HEPACAM2: variants seen among roughly 807,000 people sequenced by gnomAD.
HEPACAM2 encodes the protein HEPACAM family member 2.
HEPACAM2 carries 49 observed loss-of-function variants against 49.6 expected under a neutral mutation model. That is an observed-to-expected ratio of 0.99 (90% CI 0.78 to 1.25). The LOEUF (loss-of-function observed/expected upper bound fraction) is 1.25. Among genes scored for constraint, HEPACAM2 ranks in the 50% most tolerant of loss-of-function variants. The probability of loss-of-function intolerance (pLI) is 0.00; values close to 1 mark genes in which losing one functional copy is unlikely to be tolerated. For missense variants in HEPACAM2, 525 were observed against 557.2 expected, an observed-to-expected ratio of 0.94 and a Z score of 0.58; for synonymous variants, 197 against 202.9, an observed-to-expected ratio of 0.97 and a Z score of 0.25.
intron 4 of HEPACAM2, among the ~76,000 whole-genome samples, chr7:93,198,254 A>C (rs959703551): frequency 1.4e-4 from 22 of 152,092 alleles, no homozygotes; most frequent in Non-Finnish European, 5.9e-5. Flanking sequence ...TATTAATATC[A>C]CTATATAAAA....
chr7:93,219,235 G>T lies in HEPACAM2; in HGVS notation c.296C>A (p.Thr99Asn). 1 of 1,614,000 alleles carries T rather than the reference G, an allele frequency of 6.2e-7. No homozygotes were observed. Among genetic ancestry groups the T allele is most frequent in the Non-Finnish European group, 8.5e-7 (1 of 1,179,926 alleles). Reference sequence around the variant, plus strand: ...CAGAGATGCATTGGGTGGCATCATGGTGAACTTGTGTTGGTATTCCAAGTC... The same window carrying T: ...CAGAGATGCATTGGGTGGCATCATGTTGAACTTGTGTTGGTATTCCAAGTC... The part of the protein sequence containing the change: ...VPDLEYQHKF[T>N]MMPPNASLLI... The change falls in exon 2 of 10, where the codon ACC (threonine) becomes AAC (asparagine). Residue 99 changes from threonine to asparagine, a missense_variant. Thr to Asn is a moderately conservative substitution (Grantham distance 65). Transcript: ENST00000394468.
intron 3 of HEPACAM2, among the ~76,000 whole-genome samples, chr7:93,212,895 A>G (rs879489767): frequency 6.6e-6 from 1 of 152,120 alleles, no homozygotes; most frequent in Admixed American, 6.6e-5. Context: ...AAGCAGAAGG[A>G]TAATTCCATT....
chr7:93,212,231 T>C (rs10274355), intron 3 of HEPACAM2, among the ~76,000 whole-genome samples: 4,807 of 152,154 alleles, frequency 0.032, 165 homozygotes, highest in East Asian at 0.081. Context: ...AAGAAAGTAA[T>C]CTGATTATCT....
At chr7:93,213,581 GA>G (rs1175763603) in intron 3 of HEPACAM2, among the ~76,000 whole-genome samples, 1 of 152,064 alleles carries the variant, frequency 6.6e-6, no homozygotes, top group East Asian at 1.9e-4. Flanking sequence ...GGGATATGAA[GA>G]AAGATAATCT....
At chr7:93,208,900 G>T in intron 3 of HEPACAM2, 24 bp from the exon 4 acceptor site, 15 of 1,514,760 alleles carry the variant, frequency 9.9e-6, no homozygotes, top group Non-Finnish European at 1.3e-5. Context: ...AAAAAAAATA[G>T]ATAAGTAACA....
At chr7:93,232,092 C>A in the HEPACAM2 span, among the ~76,000 whole-genome samples, 1 of 152,134 alleles carries the variant, frequency 6.6e-6, no homozygotes, top group Admixed American at 6.6e-5. Flanking sequence ...TTTGATCTTT[C>A]GCTCAACGCC....
At chr7:93,202,733 A>G (rs1793927419) in intron 4 of HEPACAM2, among the ~76,000 whole-genome samples, 1 of 152,148 alleles carries the variant, frequency 6.6e-6, no homozygotes, top group South Asian at 2.1e-4. Context: ...AAACTTGAAC[A>G]TATGCTAATA....
chr7:93,210,747 A>G (rs1472444362), intron 3 of HEPACAM2, among the ~76,000 whole-genome samples: 1 of 151,900 alleles, frequency 6.6e-6, no homozygotes, highest in Non-Finnish European at 1.5e-5. Context: ...AGTATAAGCT[A>G]TTTATCTCTC....
chr7:93,201,336 G>A (rs192908703), intron 4 of HEPACAM2, among the ~76,000 whole-genome samples: 217 of 152,052 alleles, frequency 1.4e-3, no homozygotes, highest in Non-Finnish European at 2.5e-3. Context: ...ATATATTTCA[G>A]TTTAGATCTG....
At chr7:93,199,823 T>C (rs1036721512) in intron 4 of HEPACAM2, among the ~76,000 whole-genome samples, 1 of 152,130 alleles carries the variant, frequency 6.6e-6, no homozygotes, top group South Asian at 2.1e-4. Context: ...AATGTAATTA[T>C]AGAGCAACAT....
chr7:93,201,107 A>AT (rs1177646918), intron 4 of HEPACAM2, among the ~76,000 whole-genome samples: 1 of 152,226 alleles, frequency 6.6e-6, no homozygotes, highest in East Asian at 1.9e-4. Flanking sequence ...GGGAATTGAT[A>AT]TTTTTTCTCA....
intron 4 of HEPACAM2, among the ~76,000 whole-genome samples, chr7:93,206,441 T>TA (rs1156850116): frequency 6.6e-6 from 1 of 152,036 alleles, no homozygotes; most frequent in African/African-American, 2.4e-5. Context: ...TAGTGAGTGC[T>TA]AAAAAATGAA....
At chr7:93,204,083 A>C (rs1050789886) in intron 4 of HEPACAM2, among the ~76,000 whole-genome samples, 4 of 152,140 alleles carry the variant, frequency 2.6e-5, no homozygotes, top group African/African-American at 9.7e-5. Flanking sequence ...AAATTAGTAA[A>C]TTCATTTTCC....
intron 1 of HEPACAM2, among the ~76,000 whole-genome samples, chr7:93,225,038 C>T (rs1312264626): frequency 6.6e-6 from 1 of 152,236 alleles, no homozygotes; most frequent in East Asian, 1.9e-4. Context: ...ACTGCTTTAG[C>T]TATTTATGAA....
chr7:93,198,484 A>G (rs1443919258), intron 4 of HEPACAM2, among the ~76,000 whole-genome samples: 1 of 152,134 alleles, frequency 6.6e-6, no homozygotes, highest in African/African-American at 2.4e-5. Flanking sequence ...ATATAATTTT[A>G]ACACAACTTA....
chr7:93,194,904 T>C (rs1793647845), intron 8 of HEPACAM2, among the ~76,000 whole-genome samples: 1 of 137,566 alleles, frequency 7.3e-6, no homozygotes, highest in Non-Finnish European at 1.5e-5. Flanking sequence ...TAAGAAAAAC[T>C]GATTACTTTA....
At chr7:93,197,329 G>T in intron 6 of HEPACAM2, 44 bp downstream of exon 6, 1 of 1,604,294 alleles carries the variant, frequency 6.2e-7, no homozygotes, top group Non-Finnish European at 8.5e-7. Flanking sequence ...TGAGGAATAA[G>T]CATCTAAGGA....
upstream of HEPACAM2, among the ~76,000 whole-genome samples, chr7:93,228,885 G>GTGTGTGTA (rs748458673): frequency 0.04 from 6,017 of 151,950 alleles, 176 homozygotes; most frequent in East Asian, 0.15. Context: ...GTGTGTGTGT[G>GTGTGTGTA]TGTATGTGTG....
At chr7:93,225,974 T>A in intron 1 of HEPACAM2, 1 of 1,166,970 alleles carries the variant, frequency 8.6e-7, no homozygotes, top group Non-Finnish European at 1.2e-6. Flanking sequence ...AGAAAACAAT[T>A]TTCGTAAATT....
Sources: gnomAD v4.1 joint callset for allele counts (sites outside exome capture counted in the v4.1 genomes callset) on GRCh38, gnomAD v4.1.1 for gene constraint, MANE v1.5 for transcripts, NCBI Gene and HGNC (gene_info 2026-07-23, HGNC 2026-07-21) for gene names.